The following TENM4 variants were observed in gnomAD, a reference collection of about 807,000 sequenced individuals.
TENM4 encodes teneurin-4.
In TENM4, 82 loss-of-function variants were observed where a neutral mutation model predicts 243.3. The ratio of observed to expected loss-of-function variants is 0.34; its 90% CI spans 0.28 to 0.40. The LOEUF (loss-of-function observed/expected upper bound fraction) is 0.40. TENM4 is among the 10% of genes least tolerant of loss of function. The pLI is 1.00. For synonymous variants in TENM4, 1,412 were observed against 1,456.3 expected (o/e 0.97, Z 0.69); for missense variants, 3,138 against 3,673.3 (o/e 0.85, Z 3.77).
At chr11:79,139,081 T>A (rs1348322774) in intron 4 of TENM4, among the ~76,000 whole-genome samples, 9 of 22,638 alleles carry the variant, frequency 4.0e-4, no homozygotes, top group East Asian at 2.3e-3. Flanking sequence ...AAATATATAT[T>A]ATATTTCTAT....
intron 1 of TENM4, among the ~76,000 whole-genome samples, chr11:79,376,870 T>C (rs773464303): frequency 2.6e-5 from 4 of 152,322 alleles, no homozygotes; most frequent in Admixed American, 6.5e-5. Context: ...CCCCTAGTGC[T>C]GGTGTGGTCG....
intron 18 of TENM4, among the ~76,000 whole-genome samples, chr11:78,760,602 G>A (rs1030466078): frequency 2.0e-5 from 3 of 152,218 alleles, no homozygotes; most frequent in Admixed American, 1.3e-4. Flanking sequence ...GACCCAGCAT[G>A]TATGCCTGCT....
Position 78,863,034 on chromosome 11 carries a change from C to T in TENM4, c.1183G>A (p.Asp395Asn), listed in dbSNP as rs753490323. ...CCCCCTGAGGGGTATAGGGAGACGT[C>T]GGTTGGCACAGGCCAACTGCTGGCT... ...DTASSWPVPTDVSLYPSGGTG... is the reference protein window; with the variant it reads ...DTASSWPVPTNVSLYPSGGTG... The change falls in exon 10 of 34, where the codon GAC (aspartate) becomes AAC (asparagine). Residue 395 changes from aspartate (D) to asparagine (N), a missense_variant. Asp to Asn is a conservative substitution (Grantham distance 23, BLOSUM62 1). Coordinates refer to ENST00000278550, the MANE Select transcript of TENM4 (RefSeq NM_001098816.3). The T allele has an allele frequency of 1.3e-5, 20 of 1,536,600 alleles. No individual in the cohort carries two copies. Among genetic ancestry groups the T allele is most frequent in the East Asian group, 2.5e-5 (1 of 40,604 alleles).
intron 6 of TENM4, among the ~76,000 whole-genome samples, chr11:79,016,554 G>C (rs943146217): frequency 6.6e-6 from 1 of 152,200 alleles, no homozygotes; most frequent in African/African-American, 2.4e-5. Context: ...GTTGGAAACA[G>C]AAGTTTATAA....
At chr11:78,893,003 T>C (rs1329265786) in intron 7 of TENM4, among the ~76,000 whole-genome samples, 1 of 152,188 alleles carries the variant, frequency 6.6e-6, no homozygotes, top group Non-Finnish European at 1.5e-5. Context: ...TTCGTTAACA[T>C]CCCTTGGGAC....
chr11:79,400,310 ATT>A (rs111841526), intron 1 of TENM4, among the ~76,000 whole-genome samples: 18 of 142,828 alleles, frequency 1.3e-4, no homozygotes, highest in Non-Finnish European at 1.4e-4. Context: ...TTCCTTAACC[ATT>A]TTTTTTTTTT....
intron 6 of TENM4, among the ~76,000 whole-genome samples, chr11:79,051,101 A>G (rs1201969691): frequency 6.6e-6 from 1 of 152,232 alleles, no homozygotes; most frequent in Non-Finnish European, 1.5e-5. Context: ...GCTTGTCACA[A>G]ATGTTAAACA....
intron 2 of TENM4, among the ~76,000 whole-genome samples, chr11:79,277,135 A>G (rs1856071009): frequency 6.6e-6 from 1 of 152,206 alleles, no homozygotes; most frequent in African/African-American, 2.4e-5. Context: ...AGCCAGATAC[A>G]GAGAGAGCTC....
At chr11:78,763,790 A>T (rs549294704) in intron 18 of TENM4, among the ~76,000 whole-genome samples, 14 of 152,332 alleles carry the variant, frequency 9.2e-5, no homozygotes, top group African/African-American at 3.1e-4. Flanking sequence ...GGCTCTGCCA[A>T]CCTCTCAGGA....
At chr11:79,172,943 C>T (rs565843612) in intron 3 of TENM4, among the ~76,000 whole-genome samples, 5 of 152,168 alleles carry the variant, frequency 3.3e-5, no homozygotes, top group Non-Finnish European at 5.9e-5. Context: ...GCCTGGCCCT[C>T]GTCTCTCCAT....
chr11:79,100,009 T>C (rs912509010), intron 4 of TENM4, among the ~76,000 whole-genome samples: 5 of 152,220 alleles, frequency 3.3e-5, no homozygotes, highest in South Asian at 2.1e-4. Flanking sequence ...TTGAGCACTT[T>C]CACGCCAGGG....
At chr11:79,268,661 G>T (rs1429288065) in intron 2 of TENM4, among the ~76,000 whole-genome samples, 1 of 152,174 alleles carries the variant, frequency 6.6e-6, no homozygotes, top group East Asian at 1.9e-4. Context: ...GACTCATCAG[G>T]TGCAAAGTTC....
Position 79,208,238 on chromosome 11 carries a change from C to T in TENM4, c.-163+7570G>A, listed in dbSNP as rs78879133. On this transcript the variant is annotated intron_variant, in intron 3 of 33. Transcript: ENST00000278550. ...ACACCATGAAATTAATGATCAATTG[C>T]TACATAGTATTAAGCACATCTATGA... Among the ~76,000 whole-genome samples the T allele has an allele frequency of 4.6e-3, 695 of 152,306 alleles. 11 individuals carry two copies. Among genetic ancestry groups the T allele is most frequent in the East Asian group, 0.039 (200 of 5,186 alleles).
intron 29 of TENM4, among the ~76,000 whole-genome samples, chr11:78,684,464 G>C (rs1177758689): frequency 6.6e-6 from 1 of 152,206 alleles, no homozygotes; most frequent in African/African-American, 2.4e-5. Context: ...CACTGTGCTA[G>C]TCACTGTCAT....
At chr11:79,032,619 T>C (rs1174066608) in intron 6 of TENM4, among the ~76,000 whole-genome samples, 1 of 152,076 alleles carries the variant, frequency 6.6e-6, no homozygotes, top group East Asian at 1.9e-4. Context: ...GACCACTGCT[T>C]AGGGAGCCAG....
At chr11:78,705,753 T>G (rs1438572126) in intron 27 of TENM4, among the ~76,000 whole-genome samples, 1 of 152,210 alleles carries the variant, frequency 6.6e-6, no homozygotes, top group Admixed American at 6.5e-5. Context: ...AGTGAGAGAT[T>G]GGGGTCAGGA....
At chr11:78,790,560 T>C (rs887186293) in intron 15 of TENM4, among the ~76,000 whole-genome samples, 58 of 152,376 alleles carry the variant, frequency 3.8e-4, no homozygotes, top group African/African-American at 1.3e-3. Flanking sequence ...CTGGCTATTA[T>C]CCTTCTTAGT....
At chr11:78,827,471 CTATT>C (rs55871470) in intron 12 of TENM4, among the ~76,000 whole-genome samples, 1,467 of 146,114 alleles carry the variant, frequency 0.01, 19 homozygotes, top group South Asian at 0.021. Context: ...CCTTCAAAGC[CTATT>C]TATTTATTTA....
chr11:78,957,981 A>G (rs1000640750), intron 6 of TENM4, among the ~76,000 whole-genome samples: 1 of 152,128 alleles, frequency 6.6e-6, no homozygotes, highest in Admixed American at 6.5e-5. Context: ...AAAACAACAG[A>G]AGGAAAAAAA....
Sources: allele counts gnomAD v4.1 joint callset (sites outside exome capture counted in the v4.1 genomes callset), GRCh38; gene constraint gnomAD v4.1.1; transcripts MANE v1.5; gene names NCBI Gene and HGNC (gene_info 2026-07-23, HGNC 2026-07-21).